The following CELSR1 variants were observed in gnomAD, a reference collection of about 807,000 sequenced individuals.
The protein encoded by CELSR1 is cadherin EGF LAG seven-pass G-type receptor 1, also known as adhesion G protein-coupled receptor C1.
A neutral mutation model predicts 249.1 loss-of-function variants in CELSR1; 110 were observed. The observed-to-expected ratio is 0.44, with a 90% confidence interval of 0.38 to 0.52. The LOEUF is 0.52. CELSR1 is among the 20% of genes least tolerant of loss of function. The probability of loss-of-function intolerance (pLI) is 0.00; values close to 1 mark genes in which losing one functional copy is unlikely to be tolerated. For synonymous variants in CELSR1, 2,113 were observed against 1,900.0 expected, an observed-to-expected ratio of 1.11 and a Z score of -2.92; for missense variants, 4,109 against 4,296.4, an observed-to-expected ratio of 0.96 and a Z score of 1.22.
chr22:46,409,002 G>A lies in CELSR1; in HGVS notation c.5220C>T (p.Arg1740=). The change falls in exon 9 of 35, where the codon CGC becomes CGT. Residue 1740 remains arginine, a synonymous_variant. Coordinates refer to ENST00000674500, the MANE Select transcript of CELSR1 (RefSeq NM_001378328.1). This position sits in a 1 kb window ranked among gnomAD's most constrained non-coding sequence, Gnocchi z 9.8. ...GGCACGGGGCCCCAGTCACCTGGAG[G>A]CGAAAGCTGGTGGGCCCACCACTGG... The part of the protein sequence containing the change: ...EATSGGPTSF[R]LQILNNYLQF... 1 of 1,606,544 alleles carries A rather than the reference G, an allele frequency of 6.2e-7. No individual in the cohort carries two copies. The highest frequency in any genetic ancestry group is 8.5e-7 in the Non-Finnish European group (1 of 1,177,234).
At chr22:46,470,341 C>T (rs1052422511) in intron 1 of CELSR1, among the ~76,000 whole-genome samples, 1 of 151,768 alleles carries the variant, frequency 6.6e-6, no homozygotes, top group Non-Finnish European at 1.5e-5. Context: ...GAAGCCCAGG[C>T]CTTCTTGGGG....
rs2079216616 is a variant in CELSR1, at chr22:46,402,190, C to T, written c.5227-2288G>A. On this transcript the variant is annotated intron_variant, in intron 9 of 34. Transcript: ENST00000674500. The surrounding 1 kb of genome is among the most constrained non-coding windows in gnomAD (Gnocchi z 5.0). ...GCAAACATGGAAGATAATGACATCC[C>T]CATCATCCCCATTCTAGTTTCTCTT... 6.6e-6 allele frequency among the ~76,000 whole-genome samples: 1 copy of T among 152,054 alleles called. No homozygotes were observed. The highest frequency in any genetic ancestry group is 2.4e-5 in the African/African-American group (1 of 41,410).
chr22:46,364,847 G>A, intron 32 of CELSR1, 111 bp from the exon 33 acceptor site: 1 of 1,106,442 alleles, frequency 9.0e-7, no homozygotes. Flanking sequence ...CTGCAGGCCT[G>A]GTAGGGCTGA....
At chr22:46,419,468 G>A (rs957585703) in intron 5 of CELSR1, among the ~76,000 whole-genome samples, 2 of 152,100 alleles carry the variant, frequency 1.3e-5, no homozygotes, top group African/African-American at 2.4e-5. Flanking sequence ...TGACAAGCGG[G>A]ACAAGGAGGA....
chr22:46,533,560 G>A (rs1602250538), intron 1 of CELSR1, 67 bp downstream of exon 1: 1 of 1,499,858 alleles, frequency 6.7e-7, no homozygotes, highest in Admixed American at 2.2e-5. Flanking sequence ...CGGAGCCCTT[G>A]GCGGGTTCCT....
At chr22:46,523,547 T>TAAATAAATAAATAAAC (rs2080706956) in intron 1 of CELSR1, among the ~76,000 whole-genome samples, 1 of 150,138 alleles carries the variant, frequency 6.7e-6, no homozygotes, top group Non-Finnish European at 1.5e-5. Context: ...AATAAATAAA[T>TAAATAAATAAATAAAC]AAATAAATAA....
At chr22:46,388,193 A>G (rs1320451509) in intron 18 of CELSR1, among the ~76,000 whole-genome samples, 2 of 152,124 alleles carry the variant, frequency 1.3e-5, no homozygotes, top group East Asian at 3.9e-4. Context: ...TACCAAAAAT[A>G]CAAAAATTAG....
At chr22:46,389,710 A>G (rs2079068885) in intron 17 of CELSR1, among the ~76,000 whole-genome samples, 2 of 152,186 alleles carry the variant, frequency 1.3e-5, no homozygotes, top group Admixed American at 1.3e-4. Context: ...GAGGTCAGGA[A>G]TTCAAGACCA....
At position 46,396,825 on chromosome 22, in the gene CELSR1, C is replaced by T; in HGVS notation, c.5702-79G>A. On this transcript the variant is annotated intron_variant, in intron 12 of 34. Transcript: ENST00000674500. The surrounding 1 kb of genome is among the most constrained non-coding windows in gnomAD (Gnocchi z 6.4). ...GTTAAAATATCTGGAGCAACCTGTC[C>T]CCTCCAGAAGATCTGACTTTCCCTG... 1 of 1,533,022 alleles carries T rather than the reference C, an allele frequency of 6.5e-7. No individual in the cohort carries two copies. The highest frequency in any genetic ancestry group is 8.8e-7 in the Non-Finnish European group (1 of 1,130,586). 95.0% of individuals were successfully genotyped at this position (1,533,022 alleles called of 1,614,324 possible). A position where few individuals can be genotyped will look rare whatever the true frequency, so the allele number is the denominator to read the frequency against.
Position 46,381,712 on chromosome 22 carries a change from T to G in CELSR1, c.7088+134A>C. ...AGGACCACCACAAGGCAATGGTCTCTGTCTCTGGGCCAGGGTCACGGTGAA... is the reference window on the plus strand; with the variant it reads ...AGGACCACCACAAGGCAATGGTCTCGGTCTCTGGGCCAGGGTCACGGTGAA... On this transcript the variant is annotated intron_variant, in intron 21 of 34. Transcript: ENST00000674500. The surrounding 1 kb of genome is among the most constrained non-coding windows in gnomAD (Gnocchi z 6.0). The G allele has an allele frequency of 1.2e-6, 1 of 834,326 alleles. No individual in the cohort carries two copies. Among genetic ancestry groups the G allele is most frequent in the Non-Finnish European group, 1.8e-6 (1 of 545,586 alleles). 51.7% of individuals were successfully genotyped at this position (834,326 alleles called of 1,614,324 possible).
Position 46,417,739 on chromosome 22 carries a change from G to A in CELSR1, c.4612-5980C>T, listed in dbSNP as rs6007902. 6.6e-6 allele frequency among the ~76,000 whole-genome samples: 1 copy of A among 152,228 alleles called. No homozygotes were observed. The highest frequency in any genetic ancestry group is 2.4e-5 in the African/African-American group (1 of 41,444). ...CTAGGCAGACTCTTCTAGAAAGGGG[G>A]TAAGTGCATAGCTGCTATCTCTAGG... On this transcript the variant is annotated intron_variant, in intron 5 of 34. Transcript: ENST00000674500. The surrounding 1 kb of genome is among the most constrained non-coding windows in gnomAD (Gnocchi z 4.1).
rs1490440935 is a variant in CELSR1, at chr22:46,423,334, C to T, written c.4611+10059G>A. 6.6e-6 allele frequency among the ~76,000 whole-genome samples: 1 copy of T among 152,090 alleles called. No homozygotes were observed. Among genetic ancestry groups the T allele is most frequent in the South Asian group, 2.1e-4 (1 of 4,818 alleles). ...TGATCAAGACTCCATGCTGGCCAGG[C>T]GCGGTGGCTCACGCCTGTAATCCCA... On this transcript the variant is annotated intron_variant, in intron 5 of 34. Coordinates refer to ENST00000674500, the MANE Select transcript of CELSR1 (RefSeq NM_001378328.1). This position sits in a 1 kb window ranked among gnomAD's most constrained non-coding sequence, Gnocchi z 5.6.
At chr22:46,369,102 C>G (rs1445526802) in intron 27 of CELSR1, 77 bp downstream of exon 27, 1 of 1,466,078 alleles carries the variant, frequency 6.8e-7, no homozygotes, top group Non-Finnish European at 9.5e-7. Context: ...TCATGGGGCC[C>G]CACCCCGCAG....
At chr22:46,425,286 T>G (rs2079524266) in intron 5 of CELSR1, among the ~76,000 whole-genome samples, 1 of 152,228 alleles carries the variant, frequency 6.6e-6, no homozygotes, top group Admixed American at 6.5e-5. Flanking sequence ...TCATCTGGTA[T>G]TGGAATGAGG....
In CELSR1 at chr22:46,413,771, G is replaced by A. The variant is rs2079364750; in HGVS notation, c.4612-2012C>T. Among the ~76,000 whole-genome samples, 1 of 152,192 alleles carries A rather than the reference G, an allele frequency of 6.6e-6. No homozygotes were observed. The highest frequency in any genetic ancestry group is 1.5e-5 in the Non-Finnish European group (1 of 68,040). ...ATCATCTGTTTTCTCGCTGTGTAAC[G>A]CGGCCCACTTTGGAAAACGCGTGGA... is the stretch of plus-strand genomic sequence containing the variant. On this transcript the variant is annotated intron_variant, in intron 5 of 34. Transcript: ENST00000674500. This position sits in a 1 kb window ranked among gnomAD's most constrained non-coding sequence, Gnocchi z 4.7.
intron 1 of CELSR1, among the ~76,000 whole-genome samples, chr22:46,475,336 G>A (rs1569190067): frequency 6.6e-6 from 1 of 152,152 alleles, no homozygotes; most frequent in East Asian, 1.9e-4. Context: ...GATGAGCCTT[G>A]AAGACATCAC....
chr22:46,394,567 G>A (rs1256917020), intron 13 of CELSR1, among the ~76,000 whole-genome samples: 2 of 152,234 alleles, frequency 1.3e-5, no homozygotes, highest in African/African-American at 4.8e-5. Context: ...CTGCAAGGCT[G>A]GCCTTTCACG....
chr22:46,366,802 GC>G lies in CELSR1; in HGVS notation c.8205+190del, dbSNP rs893689040. ...AGAGCAGGGTTAGGATGCGACCCAG[GC>G]CCCATCTGGCCGATTCTGTCACTTT... On this transcript the variant is annotated intron_variant, in intron 29 of 34. Transcript: ENST00000674500. 4.6e-5 allele frequency among the ~76,000 whole-genome samples: 7 copies of G among 152,274 alleles called. 2 individuals carry two copies. Among genetic ancestry groups the G allele is most frequent in the East Asian group, 1.9e-4 (1 of 5,180 alleles).
chr22:46,432,224 C>G (rs571976658), intron 5 of CELSR1, among the ~76,000 whole-genome samples: 1 of 152,188 alleles, frequency 6.6e-6, no homozygotes, highest in Non-Finnish European at 1.5e-5. Flanking sequence ...GGAGGGACGC[C>G]GGTGGCCAGC....
Sources: gnomAD v4.1 joint callset for allele counts (sites outside exome capture counted in the v4.1 genomes callset) on GRCh38, gnomAD v4.1.1 for gene constraint, Gnocchi (gnomAD v3.1) non-coding constraint, MANE v1.5 for transcripts, NCBI Gene and HGNC (gene_info 2026-07-23, HGNC 2026-07-21) for gene names.